Variants in OXCT1 observed in about 807,000 individuals in gnomAD.
The protein encoded by OXCT1 is 3-oxoacid CoA-transferase 1.
OXCT1 carries 27 observed loss-of-function variants against 69.6 expected under a neutral mutation model. That is an observed-to-expected ratio of 0.39 (90% confidence interval 0.29 to 0.54). The LOEUF is 0.54. Among genes scored for constraint, OXCT1 ranks in the 20% least tolerant of loss-of-function variants. OXCT1 has a pLI of 0.72. For missense variants in OXCT1, 437 were observed against 650.2 expected, an observed-to-expected ratio of 0.67 and a Z score of 3.57; for synonymous variants, 202 against 217.8, an observed-to-expected ratio of 0.93 and a Z score of 0.64.
At chr5:41,818,659 C>G (rs192813492) in intron 7 of OXCT1, among the ~76,000 whole-genome samples, 1 of 152,036 alleles carries the variant, frequency 6.6e-6, no homozygotes, top group Non-Finnish European at 1.5e-5. Flanking sequence ...TGGTTGTGTA[C>G]CTGGATTTTC....
chr5:41,858,602 G>A (rs970215616), intron 3 of OXCT1, among the ~76,000 whole-genome samples: 32 of 152,254 alleles, frequency 2.1e-4, no homozygotes, highest in African/African-American at 7.5e-4. Context: ...ATTCATTAAT[G>A]AGACACATTA....
chr5:41,864,366 T>C (rs1249171258), intron 1 of OXCT1, among the ~76,000 whole-genome samples: 1 of 152,184 alleles, frequency 6.6e-6, no homozygotes, highest in Non-Finnish European at 1.5e-5. Context: ...ATATCCATCA[T>C]TCTTTTCTTC....
intron 15 of OXCT1, among the ~76,000 whole-genome samples, chr5:41,744,911 A>T (rs1359745297): frequency 3.3e-5 from 5 of 152,178 alleles, no homozygotes; most frequent in African/African-American, 1.2e-4. Context: ...AGGAGCACCC[A>T]GTCCTTAGAG....
intron 1 of OXCT1, among the ~76,000 whole-genome samples, chr5:41,869,753 G>A (rs1335610999): frequency 6.6e-6 from 1 of 152,080 alleles, no homozygotes; most frequent in Non-Finnish European, 1.5e-5. Context: ...TTCCACACCC[G>A]CCGCACCCGG....
intron 7 of OXCT1, among the ~76,000 whole-genome samples, chr5:41,834,370 G>GA (rs1048617426): frequency 4.7e-5 from 7 of 149,086 alleles, no homozygotes; most frequent in Admixed American, 6.8e-5. Context: ...CTGAATGGAT[G>GA]AAAAAAGTTA....
intron 7 of OXCT1, among the ~76,000 whole-genome samples, chr5:41,817,058 C>A (rs987175295): frequency 6.6e-6 from 1 of 152,104 alleles, no homozygotes; most frequent in African/African-American, 2.4e-5. Context: ...ATCTTCCTGG[C>A]ATATAAACTC....
chr5:41,780,554 A>C (rs915024110), intron 13 of OXCT1, among the ~76,000 whole-genome samples: 1 of 152,230 alleles, frequency 6.6e-6, no homozygotes, highest in Non-Finnish European at 1.5e-5. Context: ...TAAATTCAAA[A>C]TATTTTCAGA....
intron 13 of OXCT1, among the ~76,000 whole-genome samples, chr5:41,790,470 T>C (rs1253007804): frequency 6.6e-6 from 1 of 152,164 alleles, no homozygotes; most frequent in Non-Finnish European, 1.5e-5. Flanking sequence ...AAAATCTGTG[T>C]ACATGAGACC....
chr5:41,781,647 C>T (rs962331987), intron 13 of OXCT1, among the ~76,000 whole-genome samples: 6 of 152,120 alleles, frequency 3.9e-5, no homozygotes, highest in African/African-American at 1.4e-4. Context: ...GTTGTTCCCC[C>T]AGTGGTGTCC....
intron 16 of OXCT1, among the ~76,000 whole-genome samples, chr5:41,734,725 C>G (rs540882477): frequency 1.4e-4 from 22 of 152,234 alleles, no homozygotes; most frequent in African/African-American, 5.3e-4. Flanking sequence ...GCATAAAAGA[C>G]AGACAGAAGA....
intron 13 of OXCT1, 34 bp downstream of exon 13, chr5:41,793,969 C>G (rs759727250): frequency 8.0e-7 from 1 of 1,254,748 alleles, no homozygotes; most frequent in Non-Finnish European, 1.2e-6. Context: ...TATTCTGATC[C>G]AAACATAATT....
At chr5:41,860,397 A>G (rs776138926) in intron 3 of OXCT1, among the ~76,000 whole-genome samples, 3 of 152,214 alleles carry the variant, frequency 2.0e-5, no homozygotes, top group Non-Finnish European at 4.4e-5. Flanking sequence ...GGCAAGATCA[A>G]TAAAGACTAG....
intron 7 of OXCT1, among the ~76,000 whole-genome samples, chr5:41,831,261 C>T (rs1380149561): frequency 6.6e-6 from 1 of 152,184 alleles, no homozygotes; most frequent in South Asian, 2.1e-4. Context: ...AAGCTCTTGC[C>T]TCAGGCCTCT....
chr5:41,870,211 A>G lies in OXCT1; in HGVS notation c.78+70T>C. ...AGAGCGGGTAGGGGCAGAGAAGAAAACGCGGGCACCACTCAGGGTTTGGTC... is the reference window on the plus strand; with the variant it reads ...AGAGCGGGTAGGGGCAGAGAAGAAAGCGCGGGCACCACTCAGGGTTTGGTC... On this transcript the variant is annotated intron_variant, in intron 1 of 16. Coordinates refer to ENST00000196371, the MANE Select transcript of OXCT1 (RefSeq NM_000436.4). This position sits in a 1 kb window ranked among gnomAD's most constrained non-coding sequence, Gnocchi z 4.2. 8.1e-7 allele frequency: 1 copy of G among 1,229,096 alleles called. No individual in the cohort carries two copies. The highest frequency in any genetic ancestry group is 2.4e-5 in the East Asian group (1 of 42,436). 76.1% of individuals were successfully genotyped at this position (1,229,096 alleles called of 1,614,324 possible). A position where few individuals can be genotyped will look rare whatever the true frequency, so the allele number is the denominator to read the frequency against.
intron 7 of OXCT1, among the ~76,000 whole-genome samples, chr5:41,826,454 G>A (rs1747812017): frequency 6.6e-6 from 1 of 152,046 alleles, no homozygotes; most frequent in South Asian, 2.1e-4. Flanking sequence ...AGGGATTAAG[G>A]TGAGCATGTA....
At chr5:41,779,852 C>T (rs536719788) in intron 13 of OXCT1, among the ~76,000 whole-genome samples, 1 of 151,528 alleles carries the variant, frequency 6.6e-6, no homozygotes, top group South Asian at 2.1e-4. Flanking sequence ...GAAATCAAAA[C>T]TGAAATTACA....
At chr5:41,771,048 G>GT (rs1744850430) in intron 13 of OXCT1, among the ~76,000 whole-genome samples, 1 of 152,098 alleles carries the variant, frequency 6.6e-6, no homozygotes. Context: ...TTCATCTATT[G>GT]TAAGATAGTC....
At position 41,740,952 on chromosome 5, in the gene OXCT1, C is replaced by CT. The variant is rs70988866; in HGVS notation, c.1420-1462dup. 2.6e-3 allele frequency among the ~76,000 whole-genome samples: 348 copies of CT among 136,234 alleles called. 1 individual carries two copies. The highest frequency in any genetic ancestry group is 3.7e-3 in the Middle Eastern group (1 of 272). The allele number at this position is 136,234 out of a possible 152,430, so 89.4% of individuals were successfully genotyped here. On this transcript the variant is annotated intron_variant, in intron 15 of 16. Transcript: ENST00000196371. Reference sequence around the variant, plus strand: ...CAACTATTATTTGCAGGCCTAGAATCTTTTTTTTTTTTTTTTGAGACAGAG... The same window carrying CT: ...CAACTATTATTTGCAGGCCTAGAATCTTTTTTTTTTTTTTTTTGAGACAGAG...
intron 3 of OXCT1, among the ~76,000 whole-genome samples, chr5:41,858,483 A>T (rs1749557032): frequency 6.6e-6 from 1 of 152,208 alleles, no homozygotes; most frequent in Non-Finnish European, 1.5e-5. Flanking sequence ...GCTTTCCTTT[A>T]GTAGCCAACA....
Sources: gnomAD v4.1 joint callset for allele counts (sites outside exome capture counted in the v4.1 genomes callset) on GRCh38, gnomAD v4.1.1 for gene constraint, Gnocchi (gnomAD v3.1) non-coding constraint, MANE v1.5 for transcripts, NCBI Gene and HGNC (gene_info 2026-07-23, HGNC 2026-07-21) for gene names.